The following SLC37A3 variants were observed in gnomAD, a reference collection of about 807,000 sequenced individuals.
The protein encoded by SLC37A3 is solute carrier family 37 member 3, also known as sugar phosphate exchanger 3.
In SLC37A3, 51 loss-of-function variants were observed where a neutral mutation model predicts 67.1. The observed-to-expected ratio is 0.76, with a 90% CI of 0.61 to 0.96. The LOEUF (loss-of-function observed/expected upper bound fraction) is 0.96, where lower values mean the gene tolerates loss of function less well. Among genes scored for constraint, SLC37A3 ranks in the 40% least tolerant of loss-of-function variants. The pLI, the probability that SLC37A3 is intolerant of heterozygous loss-of-function variation, is 0.00. For synonymous variants in SLC37A3, 214 were observed against 231.4 expected (o/e 0.92, Z 0.68); for missense variants, 508 against 603.0 (o/e 0.84, Z 1.65).
chr7:140,356,424 G>A (rs1018346882), intron 6 of SLC37A3, among the ~76,000 whole-genome samples: 10 of 152,282 alleles, frequency 6.6e-5, no homozygotes, highest in Middle Eastern at 3.4e-3. Context: ...GCTCACGCCT[G>A]TAATCTCAGC....
At chr7:140,386,712 T>C (rs989279918) in intron 1 of SLC37A3, 13 of 152,196 alleles carry the variant, frequency 8.5e-5, no homozygotes, top group Non-Finnish European at 1.5e-4. Flanking sequence ...AAATTTCATT[T>C]CAGTGTTTCT....
chr7:140,375,060 CG>C (rs1367014534), intron 3 of SLC37A3, among the ~76,000 whole-genome samples: 2 of 31,026 alleles, frequency 6.4e-5, no homozygotes, highest in Admixed American at 2.5e-4. Flanking sequence ...GCAGAAGAAT[CG>C]AAGAATCGCT....
At chr7:140,346,001 A>C in intron 10 of SLC37A3, 31 bp from the exon 11 acceptor site, 1 of 1,547,554 alleles carries the variant, frequency 6.5e-7, no homozygotes, top group Non-Finnish European at 8.9e-7. Context: ...AATCAAAATC[A>C]CTTCTAATTT....
At chr7:140,378,773 C>T (rs1001074879) in intron 3 of SLC37A3, among the ~76,000 whole-genome samples, 29 of 151,108 alleles carry the variant, frequency 1.9e-4, no homozygotes, top group African/African-American at 6.3e-4. Context: ...TCTGGCCGGG[C>T]GCAGTGGCCC....
intron 12 of SLC37A3, 59 bp downstream of exon 12, chr7:140,345,157 C>G: frequency 6.7e-7 from 1 of 1,484,204 alleles, no homozygotes; most frequent in Non-Finnish European, 9.4e-7. Context: ...AACAGTTTCC[C>G]TTTTCCTCTG....
chr7:140,337,281 T>C lies in SLC37A3; in HGVS notation c.1392+3A>G. The stretch of plus-strand genomic sequence containing the variant: ...TTTTTTTTTTAAAGGGGCACACACT[T>C]ACCATGAGAATGAAAAAGTAGAAAA... On this transcript the variant is annotated splice_donor_region_variant and intron_variant, in intron 14 of 14. Transcript: ENST00000326232. The C allele has an allele frequency of 6.3e-7, 1 of 1,596,750 alleles. No homozygotes were observed. Among genetic ancestry groups the C allele is most frequent in the Non-Finnish European group, 8.5e-7 (1 of 1,173,146 alleles).
At position 140,358,737 on chromosome 7, in the gene SLC37A3, A is replaced by G. The variant is rs758534710; in HGVS notation, c.424T>C (p.Trp142Arg). 5 of 1,614,200 alleles carry G rather than the reference A, an allele frequency of 3.1e-6. No individual in the cohort carries two copies. In the South Asian group the frequency reaches 5.5e-5, roughly 18 times the overall value. The change falls in exon 6 of 15, where the codon TGG (tryptophan) becomes CGG (arginine). Residue 142 changes from tryptophan (W) to arginine (R), a missense_variant. By Grantham distance (101) the Trp-to-Arg change is moderately radical (BLOSUM62 -3). Transcript: ENST00000326232. The part of the protein sequence containing the change: ...LTEWLRFYNK[W>R]LYCCLWIVNG... ...ACAATCCACAGGCAGCAGTACAGCC[A>G]TTTGTTGTAGAAACGCAGCCATTCT...
intron 4 of SLC37A3, among the ~76,000 whole-genome samples, chr7:140,365,321 G>C (rs1477436088): frequency 6.6e-6 from 1 of 152,248 alleles, no homozygotes; most frequent in East Asian, 1.9e-4. Context: ...TTGGCTGGGC[G>C]TGGTGTCTCA....
In SLC37A3 at chr7:140,389,625, G is replaced by T. The variant is rs554742992; in HGVS notation, c.-70-7029C>A. Reference sequence around the variant, plus strand: ...GCAGTTCCCCTGTCTTGATAAATTGGCTCTGTCTAGGCAGCAGGCAAGGTG... The same window carrying T: ...GCAGTTCCCCTGTCTTGATAAATTGTCTCTGTCTAGGCAGCAGGCAAGGTG... On this transcript the variant is annotated intron_variant, in intron 1 of 14. Transcript: ENST00000326232. 6.4e-4 allele frequency among the ~76,000 whole-genome samples: 97 copies of T among 152,296 alleles called. 1 individual carries two copies. Among genetic ancestry groups the T allele is most frequent in the African/African-American group, 2.2e-3 (91 of 41,572 alleles).
intron 14 of SLC37A3, 132 bp from the exon 15 acceptor site, chr7:140,335,636 A>G: frequency 3.6e-6 from 4 of 1,122,384 alleles, no homozygotes; most frequent in Non-Finnish European, 3.7e-6. Flanking sequence ...TTTAATCTTC[A>G]ATGAATTAGA....
At chr7:140,356,330 G>A (rs1476886943) in intron 6 of SLC37A3, among the ~76,000 whole-genome samples, 1 of 152,084 alleles carries the variant, frequency 6.6e-6, no homozygotes. Flanking sequence ...TCTTTGAAAA[G>A]TGGGCAAAAG....
At chr7:140,336,993 G>C (rs1011651047) in intron 14 of SLC37A3, among the ~76,000 whole-genome samples, 1 of 151,516 alleles carries the variant, frequency 6.6e-6, no homozygotes, top group Non-Finnish European at 1.5e-5. Context: ...CAGCTACTCG[G>C]GAGGCTGAGG....
intron 3 of SLC37A3, among the ~76,000 whole-genome samples, chr7:140,377,928 T>A (rs1187576074): frequency 6.6e-6 from 1 of 152,138 alleles, no homozygotes; most frequent in Non-Finnish European, 1.5e-5. Flanking sequence ...TCTGGGAAGC[T>A]TGGCCTGGCC....
intron 3 of SLC37A3, among the ~76,000 whole-genome samples, chr7:140,378,377 CAAAG>C (rs1376510203): frequency 6.6e-6 from 1 of 152,144 alleles, no homozygotes; most frequent in African/African-American, 2.4e-5. Context: ...CCAAGAATGA[CAAAG>C]AAAGATTCCA....
At chr7:140,367,304 G>A (rs189403949) in intron 4 of SLC37A3, among the ~76,000 whole-genome samples, 1 of 152,142 alleles carries the variant, frequency 6.6e-6, no homozygotes, top group East Asian at 1.9e-4. Context: ...GGGCATGATG[G>A]TGTGCACCTG....
rs111320613 is a variant in SLC37A3 at position 140,367,763 on chromosome 7, A to G, written c.291+1827T>C. On this transcript the variant is annotated intron_variant, in intron 4 of 14. Transcript: ENST00000326232. ...CAGCTGCCTATCCTGACGCTGAATTACTCCTCGCCACCGTGGAATGTCTCC... is the reference window on the plus strand; with the variant it reads ...CAGCTGCCTATCCTGACGCTGAATTGCTCCTCGCCACCGTGGAATGTCTCC... Among the ~76,000 whole-genome samples the G allele has an allele frequency of 2.1e-3, 302 of 145,580 alleles. 1 individual carries two copies. The highest frequency in any genetic ancestry group is 7.5e-3 in the African/African-American group (291 of 38,860).
chr7:140,356,766 C>T (rs563723177), intron 6 of SLC37A3, among the ~76,000 whole-genome samples: 43 of 152,190 alleles, frequency 2.8e-4, no homozygotes, highest in African/African-American at 8.2e-4. Flanking sequence ...AGTCACAATG[C>T]GATATCATTA....
intron 3 of SLC37A3, 31 bp from the exon 4 acceptor site, chr7:140,369,713 C>T: frequency 6.3e-7 from 1 of 1,579,500 alleles, no homozygotes; most frequent in South Asian, 1.1e-5. Flanking sequence ...CAGGTCAGTC[C>T]CTGTAGAATC....
At chr7:140,362,421 G>T (rs1367195494) in intron 5 of SLC37A3, among the ~76,000 whole-genome samples, 1 of 37,354 alleles carries the variant, frequency 2.7e-5, no homozygotes, top group Non-Finnish European at 6.5e-5. Flanking sequence ...AGGGAGGTGG[G>T]GGGGGGGGTC....
Sources: gnomAD v4.1 joint callset for allele counts (sites outside exome capture counted in the v4.1 genomes callset) on GRCh38, gnomAD v4.1.1 for gene constraint, MANE v1.5 for transcripts, NCBI Gene and HGNC (gene_info 2026-07-23, HGNC 2026-07-21) for gene names.